The following TWIST2 variants were observed in gnomAD, a reference collection of about 807,000 sequenced individuals.
TWIST2 encodes the protein twist family bHLH transcription factor 2.
A neutral mutation model predicts 11.6 loss-of-function variants in TWIST2; 1 was observed. The ratio of observed to expected loss-of-function variants is 0.09; its 90% CI spans 0.03 to 0.41. The LOEUF is 0.41. Ranked by LOEUF, TWIST2 falls within the 10% of genes least tolerant of loss-of-function variation. The pLI, the probability that TWIST2 is intolerant of heterozygous loss-of-function variation, is 0.98. For synonymous variants in TWIST2, 87 were observed against 96.6 expected, an observed-to-expected ratio of 0.90 and a Z score of 0.58; for missense variants, 168 against 226.4, an observed-to-expected ratio of 0.74 and a Z score of 1.66.
intron 1 of TWIST2, among the ~76,000 whole-genome samples, chr2:238,887,553 TTGG>T (rs1470592349): frequency 6.6e-6 from 1 of 152,198 alleles, no homozygotes; most frequent in African/African-American, 2.4e-5. Context: ...GGAGGCAGAC[TTGG>T]TGGTCCTCTG....
chr2:238,865,925 G>A (rs1351765757), intron 1 of TWIST2, among the ~76,000 whole-genome samples: 8 of 152,184 alleles, frequency 5.3e-5, no homozygotes, highest in African/African-American at 1.9e-4. Context: ...CCCCGCCGGG[G>A]TCGGATCGGC....
chr2:238,857,799 T>C (rs1055747231), intron 1 of TWIST2, among the ~76,000 whole-genome samples: 2 of 151,912 alleles, frequency 1.3e-5, no homozygotes, highest in African/African-American at 4.8e-5. Context: ...TAGCCACGTG[T>C]GGTGGCACAC....
intron 1 of TWIST2, among the ~76,000 whole-genome samples, chr2:238,875,875 T>C (rs1361145785): frequency 1.3e-5 from 2 of 152,256 alleles, no homozygotes; most frequent in Non-Finnish European, 2.9e-5. Flanking sequence ...GAAAGTTTAC[T>C]TCAGAAGATT....
At chr2:238,881,608 T>G (rs985395835) in intron 1 of TWIST2, among the ~76,000 whole-genome samples, 1 of 152,086 alleles carries the variant, frequency 6.6e-6, no homozygotes, top group Admixed American at 6.6e-5. Flanking sequence ...TTAGCATTAG[T>G]TAGTATTTAT....
rs1692568011 is a variant in TWIST2 at position 238,867,672 on chromosome 2, G to A, written c.*35+18939G>A. Among the ~76,000 whole-genome samples the A allele has an allele frequency of 6.6e-6, 1 of 152,180 alleles. No homozygotes were observed. The highest frequency in any genetic ancestry group is 1.5e-5 in the Non-Finnish European group (1 of 68,030). ...AGGGGTGGCCGAGGCTGGGGCACAG[G>A]CTGGATGCAAGGCAGATGCCACATG... On this transcript the variant is annotated intron_variant, in intron 1 of 1. Transcript: ENST00000612363. This position sits in a 1 kb window ranked among gnomAD's most constrained non-coding sequence, Gnocchi z 4.8.
At position 238,881,014 on chromosome 2, in the gene TWIST2, TAG is replaced by T. The variant is rs892891014; in HGVS notation, c.*36-28827_*36-28826del. ...TGGTAATATTTATTAGCATTAGTGT[TAG>T]TGTTAGTATTTATTAGTATTAGTTA... is the stretch of plus-strand genomic sequence containing the variant. On this transcript the variant is annotated intron_variant, in intron 1 of 1. Coordinates refer to ENST00000612363, the MANE Select transcript of TWIST2 (RefSeq NM_001271893.4). Among the ~76,000 whole-genome samples the T allele has an allele frequency of 7.6e-5, 7 of 92,126 alleles. No homozygotes were observed. In the Admixed American group the frequency reaches 7.6e-4, roughly 10 times the overall value. The allele number at this position is 92,126 out of a possible 152,430, so 60.4% of individuals were successfully genotyped here.
intron 1 of TWIST2, among the ~76,000 whole-genome samples, chr2:238,881,761 G>C (rs1182231852): frequency 1.3e-5 from 2 of 152,144 alleles, no homozygotes; most frequent in African/African-American, 4.8e-5. Flanking sequence ...AGTCCCAGCA[G>C]GAATGCTGCA....
Position 238,848,092 on chromosome 2 carries a change from C to T in TWIST2, c.-124C>T, listed in dbSNP as rs1692163508. The T allele has an allele frequency of 1.2e-6, 1 of 800,386 alleles. No individual in the cohort carries two copies. The highest frequency in any genetic ancestry group is 1.6e-6 in the Non-Finnish European group (1 of 626,506). The allele number at this position is 800,386 out of a possible 1,614,324, so 49.6% of individuals were successfully genotyped here. On this transcript the variant is annotated 5_prime_UTR_variant, in exon 1 of 2. Coordinates refer to ENST00000612363, the MANE Select transcript of TWIST2 (RefSeq NM_001271893.4). ...CCCGGAGACCTCGGTTTTGCACAAG[C>T]CGGCCTTGAAATCAGAGCCTTTCCA...
At chr2:238,853,899 AT>A (rs1351387225) in intron 1 of TWIST2, among the ~76,000 whole-genome samples, 1 of 152,198 alleles carries the variant, frequency 6.6e-6, no homozygotes, top group African/African-American at 2.4e-5. Context: ...TCCTGTGGTG[AT>A]GAAGATGAGA....
intron 1 of TWIST2, among the ~76,000 whole-genome samples, chr2:238,850,978 C>T (rs546591227): frequency 6.6e-6 from 1 of 152,310 alleles, no homozygotes; most frequent in South Asian, 2.1e-4. Context: ...TTGTCTTTAA[C>T]TCATTATTCC....
chr2:238,896,504 C>T (rs1322658053), intron 1 of TWIST2, among the ~76,000 whole-genome samples: 2 of 152,144 alleles, frequency 1.3e-5, no homozygotes, highest in Non-Finnish European at 2.9e-5. Flanking sequence ...TGTGACTTAT[C>T]CCAAGTCACC....
At chr2:238,901,476 A>G (rs894515796) in intron 1 of TWIST2, among the ~76,000 whole-genome samples, 1 of 152,078 alleles carries the variant, frequency 6.6e-6, no homozygotes, top group Non-Finnish European at 1.5e-5. Context: ...CAGTAGGTGA[A>G]TTCTGCTGCT....
chr2:238,896,146 G>C lies in TWIST2; in HGVS notation c.*36-13696G>C, dbSNP rs993834334. ...GGGGTCAGAGGCATGAGTCACGGAG[G>C]GGGGAGAGAGGGGCGGGGATCCGGA... On this transcript the variant is annotated intron_variant, in intron 1 of 1. Coordinates refer to ENST00000612363, the MANE Select transcript of TWIST2 (RefSeq NM_001271893.4). Among the ~76,000 whole-genome samples the C allele has an allele frequency of 6.6e-3, 999 of 152,246 alleles. 6 individuals carry two copies. The highest frequency in any genetic ancestry group is 0.021 in the African/African-American group (881 of 41,514).
intron 1 of TWIST2, among the ~76,000 whole-genome samples, chr2:238,906,770 C>T (rs1408474977): frequency 1.3e-5 from 2 of 152,182 alleles, no homozygotes; most frequent in Non-Finnish European, 2.9e-5. Context: ...AGAATCCTCA[C>T]GGTGACCCCT....
chr2:238,906,905 G>A (rs1343335003), intron 1 of TWIST2, among the ~76,000 whole-genome samples: 1 of 152,248 alleles, frequency 6.6e-6, no homozygotes, highest in Admixed American at 6.5e-5. Context: ...GCTCAGGGGA[G>A]TTCTCCAATA....
intron 1 of TWIST2, among the ~76,000 whole-genome samples, chr2:238,909,410 C>G (rs1242157107): frequency 1.3e-5 from 2 of 152,172 alleles, no homozygotes; most frequent in Admixed American, 1.3e-4. Context: ...ACCCAGCCCT[C>G]TGCTGCCCGA....
intron 1 of TWIST2, among the ~76,000 whole-genome samples, chr2:238,848,999 T>TA (rs1217956107): frequency 3.3e-5 from 5 of 151,706 alleles, no homozygotes; most frequent in African/African-American, 9.7e-5. Flanking sequence ...TGAAGATACT[T>TA]AGACAGATGG....
At chr2:238,885,376 G>A (rs1342303313) in intron 1 of TWIST2, among the ~76,000 whole-genome samples, 2 of 152,206 alleles carry the variant, frequency 1.3e-5, no homozygotes, top group Non-Finnish European at 2.9e-5. Flanking sequence ...GAAAAAACTG[G>A]CCTTTTGTGG....
At chr2:238,895,132 T>G (rs1336838224) in intron 1 of TWIST2, among the ~76,000 whole-genome samples, 1 of 152,242 alleles carries the variant, frequency 6.6e-6, no homozygotes, top group African/African-American at 2.4e-5. Flanking sequence ...CCGCTGCCAC[T>G]GAGAAGGCTG....
Sources: gnomAD v4.1 joint callset for allele counts (sites outside exome capture counted in the v4.1 genomes callset) on GRCh38, gnomAD v4.1.1 for gene constraint, Gnocchi (gnomAD v3.1) non-coding constraint, MANE v1.5 for transcripts, NCBI Gene and HGNC (gene_info 2026-07-23, HGNC 2026-07-21) for gene names.